Variants in CDH18 observed in about 807,000 individuals in gnomAD.
CDH18 encodes cadherin-18.
In CDH18, 31 loss-of-function variants were observed where a neutral mutation model predicts 67.9. That is an observed-to-expected ratio of 0.46 (90% CI 0.34 to 0.62). The LOEUF is 0.62. Ranked by LOEUF, CDH18 falls within the 20% of genes least tolerant of loss-of-function variation. CDH18 has a pLI of 0.01. For synonymous variants in CDH18, 362 were observed against 347.2 expected, an observed-to-expected ratio of 1.04 and a Z score of -0.48; for missense variants, 890 against 975.5, an observed-to-expected ratio of 0.91 and a Z score of 1.17.
At chr5:19,763,212 C>G (rs1005849049) in intron 3 of CDH18, among the ~76,000 whole-genome samples, 1 of 152,082 alleles carries the variant, frequency 6.6e-6, no homozygotes, top group Non-Finnish European at 1.5e-5. Flanking sequence ...CAAACCTGCA[C>G]GTTGTGCACA....
Position 19,959,494 on chromosome 5 carries a change from T to C in CDH18, c.-257+21566A>G, listed in dbSNP as rs368621595. Among the ~76,000 whole-genome samples the C allele has an allele frequency of 2.0e-5, 3 of 152,238 alleles. No individual in the cohort carries two copies. In the South Asian group the frequency reaches 6.2e-4, roughly 32 times the overall value. The stretch of plus-strand genomic sequence containing the variant: ...TTTCCCACTTATTCAGTCTTTTCCA[T>C]GTTTAATTCCAAGAAAACTCATTTT... On this transcript the variant is annotated intron_variant, in intron 2 of 12. Coordinates refer to ENST00000382275, the MANE Select transcript of CDH18 (RefSeq NM_004934.5).
At chr5:20,190,559 T>A (rs1561863649) in intron 2 of CDH18, among the ~76,000 whole-genome samples, 1 of 152,084 alleles carries the variant, frequency 6.6e-6, no homozygotes, top group Non-Finnish European at 1.5e-5. Flanking sequence ...ACTACCTAAT[T>A]TTTCCAGTTG....
intron 2 of CDH18, among the ~76,000 whole-genome samples, chr5:20,009,663 A>G (rs1010161519): frequency 5.3e-5 from 8 of 152,168 alleles, no homozygotes; most frequent in Admixed American, 3.3e-4. Flanking sequence ...ATTGTAAAAG[A>G]GGTTCATGAT....
At chr5:20,412,695 A>C (rs1256528754) in intron 1 of CDH18, among the ~76,000 whole-genome samples, 1 of 152,222 alleles carries the variant, frequency 6.6e-6, no homozygotes, top group Non-Finnish European at 1.5e-5. Context: ...AACACGTCTC[A>C]AAAGAAGACG....
At chr5:20,100,562 A>G (rs749771980) in intron 2 of CDH18, among the ~76,000 whole-genome samples, 1 of 152,176 alleles carries the variant, frequency 6.6e-6, no homozygotes, top group Non-Finnish European at 1.5e-5. Flanking sequence ...GTGTACATTG[A>G]TTTTATTACA....
At chr5:19,535,045 G>A (rs963309790) in intron 9 of CDH18, among the ~76,000 whole-genome samples, 1 of 152,116 alleles carries the variant, frequency 6.6e-6, no homozygotes, top group Admixed American at 6.6e-5. Context: ...AATAATTACA[G>A]CCCTAATCAA....
chr5:20,391,878 A>C (rs1289224118), intron 1 of CDH18, among the ~76,000 whole-genome samples: 1 of 151,958 alleles, frequency 6.6e-6, no homozygotes, highest in Non-Finnish European at 1.5e-5. Flanking sequence ...TTATTTTTTG[A>C]AGCTTTACAA....
intron 5 of CDH18, among the ~76,000 whole-genome samples, chr5:19,711,548 A>G (rs542542397): frequency 6.2e-4 from 95 of 152,060 alleles, no homozygotes; most frequent in African/African-American, 2.2e-3. Context: ...GCTATCAAGC[A>G]TTTGAAAAAA....
At chr5:20,243,141 G>A (rs1743116893) in intron 2 of CDH18, among the ~76,000 whole-genome samples, 1 of 152,018 alleles carries the variant, frequency 6.6e-6, no homozygotes, top group Non-Finnish European at 1.5e-5. Context: ...GGTCTTCCTG[G>A]GTGTAGTCTC....
At chr5:20,288,723 C>A (rs1013443529) in intron 1 of CDH18, among the ~76,000 whole-genome samples, 1 of 151,782 alleles carries the variant, frequency 6.6e-6, no homozygotes, top group Admixed American at 6.6e-5. Flanking sequence ...TTCAGAGCCA[C>A]AAGAAAACTG....
At chr5:20,493,364 A>C (rs1489201582) in intron 1 of CDH18, among the ~76,000 whole-genome samples, 4 of 58,900 alleles carry the variant, frequency 6.8e-5, no homozygotes, top group Non-Finnish European at 1.2e-4. Flanking sequence ...ATTAAAAAAA[A>C]AAAAAAAAAA....
At chr5:20,307,118 T>C (rs1007567241) in intron 1 of CDH18, among the ~76,000 whole-genome samples, 7 of 152,024 alleles carry the variant, frequency 4.6e-5, no homozygotes, top group South Asian at 2.1e-4. Context: ...AATTATATAA[T>C]ATAATGAGAT....
intron 6 of CDH18, among the ~76,000 whole-genome samples, chr5:19,593,320 A>G (rs1456672721): frequency 1.3e-5 from 2 of 152,088 alleles, no homozygotes; most frequent in Non-Finnish European, 2.9e-5. Context: ...CATCCTCAAC[A>G]ATACTTTTCT....
chr5:19,561,026 G>A (rs1291009799), intron 8 of CDH18, among the ~76,000 whole-genome samples: 1 of 152,152 alleles, frequency 6.6e-6, no homozygotes, highest in Non-Finnish European at 1.5e-5. Context: ...TGGCATGGAT[G>A]TGGTGAAAAG....
At chr5:19,586,260 T>C (rs147315457) in intron 7 of CDH18, among the ~76,000 whole-genome samples, 4,879 of 152,210 alleles carry the variant, frequency 0.032, 253 homozygotes, top group African/African-American at 0.11. Flanking sequence ...GTTTGTTACA[T>C]AGGTAAACAT....
At position 19,977,957 on chromosome 5, in the gene CDH18, A is replaced by T. The variant is rs117154205; in HGVS notation, c.-257+3103T>A. On this transcript the variant is annotated intron_variant, in intron 2 of 12. Transcript: ENST00000382275. ...TTTTAATTGAGCTATAGAATATTCTACTATGATTGAATTCACTTTTTTTAA... is the reference window on the plus strand; with the variant it reads ...TTTTAATTGAGCTATAGAATATTCTTCTATGATTGAATTCACTTTTTTTAA... 7.7e-4 allele frequency among the ~76,000 whole-genome samples: 117 copies of T among 152,266 alleles called. 2 individuals are homozygous for T. In the East Asian group the frequency reaches 0.018, roughly 23 times the overall value.
At chr5:20,329,908 CTA>C (rs1739004960) in intron 1 of CDH18, among the ~76,000 whole-genome samples, 1 of 150,278 alleles carries the variant, frequency 6.7e-6, no homozygotes, top group Non-Finnish European at 1.5e-5. Flanking sequence ...GAAACCTAAT[CTA>C]GAGTGGATTC....
At chr5:20,070,997 G>A (rs139910012) in intron 2 of CDH18, among the ~76,000 whole-genome samples, 3 of 152,080 alleles carry the variant, frequency 2.0e-5, no homozygotes, top group East Asian at 3.9e-4. Context: ...TTTAATGAAC[G>A]TATTTAGCCT....
At chr5:20,300,435 G>T (rs1747886035) in intron 1 of CDH18, among the ~76,000 whole-genome samples, 1 of 151,446 alleles carries the variant, frequency 6.6e-6, no homozygotes. Flanking sequence ...TTTTTTTCTA[G>T]CCAGGATCTC....
Sources: gnomAD v4.1 joint callset for allele counts (sites outside exome capture counted in the v4.1 genomes callset) on GRCh38, gnomAD v4.1.1 for gene constraint, MANE v1.5 for transcripts, NCBI Gene and HGNC (gene_info 2026-07-23, HGNC 2026-07-21) for gene names.